The following STAC variants were observed in gnomAD, a reference collection of about 807,000 sequenced individuals.
STAC encodes the protein SH3 and cysteine-rich domain-containing protein.
STAC carries 43 observed loss-of-function variants against 48.8 expected under a neutral mutation model. The ratio of observed to expected loss-of-function variants is 0.88; its 90% CI spans 0.69 to 1.14. STAC has a LOEUF of 1.14. Ranked by LOEUF, STAC falls within the 50% of genes most tolerant of loss-of-function variation. The probability of loss-of-function intolerance (pLI) is 0.00; values close to 1 mark genes in which losing one functional copy is unlikely to be tolerated. For synonymous variants in STAC, 193 were observed against 179.5 expected (o/e 1.07, Z -0.60); for missense variants, 497 against 504.0 (o/e 0.99, Z 0.13).
intron 8 of STAC, among the ~76,000 whole-genome samples, chr3:36,513,342 C>CA (rs1449032446): frequency 6.6e-6 from 1 of 152,188 alleles, no homozygotes; most frequent in African/African-American, 2.4e-5. Flanking sequence ...GCCCAGGCCT[C>CA]AAGCCAGCCA....
intron 2 of STAC, among the ~76,000 whole-genome samples, chr3:36,475,794 G>A (rs1488638319): frequency 6.6e-6 from 1 of 152,238 alleles, no homozygotes; most frequent in Non-Finnish European, 1.5e-5. Flanking sequence ...GAGGAGAGTA[G>A]GAGGATATGA....
intron 10 of STAC, among the ~76,000 whole-genome samples, chr3:36,539,930 C>A (rs1402868207): frequency 6.6e-6 from 1 of 152,096 alleles, no homozygotes; most frequent in Non-Finnish European, 1.5e-5. Context: ...CTTTATATGA[C>A]AAAAGGAATT....
Position 36,546,319 on chromosome 3 carries a change from C to T in STAC, c.*30C>T. 1 of 1,571,256 alleles carries T rather than the reference C, an allele frequency of 6.4e-7. No homozygotes were observed. Among genetic ancestry groups the T allele is most frequent in the South Asian group, 1.1e-5 (1 of 90,230 alleles). On this transcript the variant is annotated 3_prime_UTR_variant, in exon 11 of 11. Coordinates refer to ENST00000273183, the MANE Select transcript of STAC (RefSeq NM_003149.3). Reference sequence around the variant, plus strand: ...TGGCTCCTCCTCCGTTTGCAGTAGGCAAGCTCTGCTGCGATGCCTCTGCCT... The same window carrying T: ...TGGCTCCTCCTCCGTTTGCAGTAGGTAAGCTCTGCTGCGATGCCTCTGCCT...
At chr3:36,515,877 T>C (rs1364723627) in intron 8 of STAC, among the ~76,000 whole-genome samples, 7 of 151,918 alleles carry the variant, frequency 4.6e-5, no homozygotes, top group African/African-American at 1.5e-4. Context: ...TGGGGAGATA[T>C]GTGGCCTTCT....
intron 1 of STAC, among the ~76,000 whole-genome samples, chr3:36,391,699 G>A (rs956464973): frequency 6.6e-6 from 1 of 152,248 alleles, no homozygotes. Context: ...TGAGCGGGGC[G>A]GGCTAAGCAG....
chr3:36,462,021 C>T (rs1222909235), intron 2 of STAC, among the ~76,000 whole-genome samples: 1 of 152,028 alleles, frequency 6.6e-6, no homozygotes, highest in East Asian at 1.9e-4. Flanking sequence ...GCAAGCAGAA[C>T]AGTTAGGAGG....
chr3:36,509,294 T>G (rs1698479008), intron 8 of STAC, among the ~76,000 whole-genome samples: 1 of 152,224 alleles, frequency 6.6e-6, no homozygotes, highest in Admixed American at 6.5e-5. Flanking sequence ...TGTGCTTCCC[T>G]TTGTGGGTAA....
chr3:36,439,724 T>C lies in STAC; in HGVS notation c.112-3640T>C, dbSNP rs71328143. 4.9e-3 allele frequency among the ~76,000 whole-genome samples: 743 copies of C among 152,284 alleles called. 3 individuals are homozygous for C. The highest frequency in any genetic ancestry group is 8.5e-3 in the Non-Finnish European group (575 of 68,014). On this transcript the variant is annotated intron_variant, in intron 1 of 10. Transcript: ENST00000273183. ...TTGAAGTGAAGAGGGTCTGTACTGCTCCTTTGCTGCATCCAGGTCCTCACC... is the reference window on the plus strand; with the variant it reads ...TTGAAGTGAAGAGGGTCTGTACTGCCCCTTTGCTGCATCCAGGTCCTCACC...
intron 1 of STAC, among the ~76,000 whole-genome samples, chr3:36,440,954 T>C (rs551923632): frequency 3.9e-5 from 6 of 152,342 alleles, no homozygotes; most frequent in Admixed American, 6.5e-5. Context: ...ACTTTTATGA[T>C]TTTATTTTTA....
intron 1 of STAC, among the ~76,000 whole-genome samples, chr3:36,440,709 G>T (rs919316451): frequency 6.6e-6 from 1 of 152,180 alleles, no homozygotes; most frequent in Non-Finnish European, 1.5e-5. Context: ...GCCTGGATAA[G>T]GGAAAGGGGA....
rs572046318 is a variant in STAC, at chr3:36,412,281, A to C, written c.112-31083A>C. On this transcript the variant is annotated intron_variant, in intron 1 of 10. Transcript: ENST00000273183. ...GTTCTGGACAAGAAGGAAAGAAAGA[A>C]AGGGAGGGACAATCATGTTCTCTCT... 2.0e-5 allele frequency among the ~76,000 whole-genome samples: 3 copies of C among 152,300 alleles called. No homozygotes were observed. The South Asian group carries it at 6.2e-4, about 32-fold the overall frequency.
chr3:36,381,878 AT>A (rs1466900236), intron 1 of STAC, among the ~76,000 whole-genome samples: 1 of 151,748 alleles, frequency 6.6e-6, no homozygotes, highest in South Asian at 2.1e-4. Flanking sequence ...ATTTATTTTT[AT>A]TTTTTTCCTG....
At chr3:36,489,037 C>T (rs888912485) in intron 5 of STAC, among the ~76,000 whole-genome samples, 5 of 152,088 alleles carry the variant, frequency 3.3e-5, no homozygotes, top group African/African-American at 1.2e-4. Context: ...TTTTTTAAGA[C>T]CCACTCTATT....
intron 10 of STAC, among the ~76,000 whole-genome samples, chr3:36,545,840 T>C (rs532709944): frequency 6.6e-6 from 1 of 152,310 alleles, no homozygotes; most frequent in East Asian, 1.9e-4. Context: ...GTCCTGAGAA[T>C]TCATTGCATG....
chr3:36,537,984 A>G (rs1052468481), intron 10 of STAC, among the ~76,000 whole-genome samples: 1 of 152,206 alleles, frequency 6.6e-6, no homozygotes, highest in Non-Finnish European at 1.5e-5. Flanking sequence ...TTATATTACA[A>G]AACCAAAATG....
chr3:36,442,301 G>C (rs1429654210), intron 1 of STAC, among the ~76,000 whole-genome samples: 4 of 152,140 alleles, frequency 2.6e-5, no homozygotes, highest in African/African-American at 9.7e-5. Context: ...TGCAGCTCTG[G>C]GCCATACATG....
chr3:36,540,048 C>A (rs1374581455), intron 10 of STAC, among the ~76,000 whole-genome samples: 1 of 152,056 alleles, frequency 6.6e-6, no homozygotes, highest in East Asian at 1.9e-4. Flanking sequence ...ACAGGAGGGC[C>A]AGCGTCAGAG....
intron 8 of STAC, among the ~76,000 whole-genome samples, chr3:36,512,613 T>C (rs1698570306): frequency 6.6e-6 from 1 of 152,096 alleles, no homozygotes. Context: ...CTGGTGGTGG[T>C]CATCACTCTG....
chr3:36,441,448 T>C (rs1696347578), intron 1 of STAC, among the ~76,000 whole-genome samples: 1 of 152,184 alleles, frequency 6.6e-6, no homozygotes, highest in South Asian at 2.1e-4. Flanking sequence ...GGCTGAATAG[T>C]ATTTCATCAT....
Sources: allele counts gnomAD v4.1 joint callset (sites outside exome capture counted in the v4.1 genomes callset), GRCh38; gene constraint gnomAD v4.1.1; transcripts MANE v1.5; gene names NCBI Gene and HGNC (gene_info 2026-07-23, HGNC 2026-07-21).